PPIL4: variants seen among roughly 807,000 people sequenced by gnomAD.
PPIL4 encodes peptidylprolyl isomerase like 4, also known as peptidyl-prolyl cis-trans isomerase-like 4.
A neutral mutation model predicts 69.1 loss-of-function variants in PPIL4; 50 were observed. The observed-to-expected ratio is 0.72, with a 90% confidence interval of 0.58 to 0.92. PPIL4 has a LOEUF of 0.92. Ranked by LOEUF, PPIL4 falls within the 40% of genes least tolerant of loss-of-function variation. The probability of loss-of-function intolerance (pLI) is 0.00; values close to 1 mark genes in which losing one functional copy is unlikely to be tolerated. For missense variants in PPIL4, 480 were observed against 587.9 expected (o/e 0.82, Z 1.90); for synonymous variants, 193 against 191.6 (o/e 1.01, Z -0.06).
intron 4 of PPIL4, among the ~76,000 whole-genome samples, chr6:149,539,470 T>G (rs866715304): frequency 3.9e-5 from 6 of 152,132 alleles, no homozygotes; most frequent in Admixed American, 6.6e-5. Flanking sequence ...CTTGACCTCC[T>G]GGGCTCTAGT....
chr6:149,541,209 A>G (rs1441979857), intron 3 of PPIL4, 150 bp from the exon 4 acceptor site: 3 of 572,040 alleles, frequency 5.2e-6, no homozygotes, highest in Non-Finnish European at 8.4e-6. Flanking sequence ...CTTGGGGGAA[A>G]AAATCTAAAT....
chr6:149,530,985 CACA>C (rs1777186865), intron 7 of PPIL4, among the ~76,000 whole-genome samples: 1 of 152,188 alleles, frequency 6.6e-6, no homozygotes, highest in Non-Finnish European at 1.5e-5. Context: ...CCTCTGAGGA[CACA>C]ACATCACTCA....
intron 1 of PPIL4, among the ~76,000 whole-genome samples, chr6:149,544,962 ATACATTCTC>A (rs1457812887): frequency 2.6e-5 from 4 of 152,102 alleles, no homozygotes; most frequent in African/African-American, 9.7e-5. Context: ...CCTGACTCTG[ATACATTCTC>A]CACACCGCTG....
intron 8 of PPIL4, 97 bp downstream of exon 8, chr6:149,526,555 G>A (rs1014772782): frequency 1.8e-5 from 21 of 1,162,380 alleles, no homozygotes; most frequent in East Asian, 2.4e-5. Flanking sequence ...TACAAAATTC[G>A]CCTAGAATTC....
rs1418748798 is a variant in PPIL4, at chr6:149,535,593, T to C, written c.464+3A>G. 2.5e-6 allele frequency: 4 copies of C among 1,608,226 alleles called. No individual in the cohort carries two copies. The highest frequency in any genetic ancestry group is 1.8e-4 in the Middle Eastern group (1 of 5,516). On this transcript the variant is annotated splice_donor_region_variant and intron_variant, in intron 5 of 12. Coordinates refer to ENST00000253329, the MANE Select transcript of PPIL4 (RefSeq NM_139126.4). ...ACATTCAGATAGCAAATTGTAACCA[T>C]ACCTGATATCCTGATATGGTACAAA...
chr6:149,521,305 A>C (rs1777026584), intron 9 of PPIL4, 134 bp from the exon 10 acceptor site: 1 of 621,302 alleles, frequency 1.6e-6, no homozygotes, highest in Non-Finnish European at 2.8e-6. Context: ...GATGCTGTTA[A>C]ATGCTTTGTA....
intron 4 of PPIL4, among the ~76,000 whole-genome samples, chr6:149,536,542 G>C (rs903676126): frequency 2.6e-5 from 4 of 152,022 alleles, no homozygotes; most frequent in Non-Finnish European, 5.9e-5. Context: ...TATGAAGAAG[G>C]TTTTAGTAAT....
intron 10 of PPIL4, among the ~76,000 whole-genome samples, chr6:149,518,296 G>A (rs1285634990): frequency 6.6e-6 from 1 of 152,152 alleles, no homozygotes; most frequent in Non-Finnish European, 1.5e-5. Context: ...CCTATCAGAT[G>A]AGAATTCAAT....
chr6:149,517,262 A>T, intron 11 of PPIL4, 92 bp downstream of exon 11: 4 of 716,336 alleles, frequency 5.6e-6, no homozygotes, highest in Non-Finnish European at 9.6e-6. Context: ...TGTCTTCTAT[A>T]GCTTTTGTGA....
At chr6:149,519,961 T>G (rs1411370312) in intron 10 of PPIL4, among the ~76,000 whole-genome samples, 1 of 152,192 alleles carries the variant, frequency 6.6e-6, no homozygotes, top group Non-Finnish European at 1.5e-5. Flanking sequence ...ACCCAACTTT[T>G]AAGACTGACA....
chr6:149,505,706 T>C lies in PPIL4; in HGVS notation c.1228-2A>G, dbSNP rs1776760589. 1.2e-6 allele frequency: 2 copies of C among 1,605,354 alleles called. No homozygotes were observed. Among genetic ancestry groups the C allele is most frequent in the East Asian group, 4.5e-5 (2 of 44,792 alleles). On this transcript the variant is annotated splice_acceptor_variant, in intron 12 of 12. Transcript: ENST00000253329. LOFTEE classifies it high-confidence loss of function. ...AAACCCCATTTCTCTATAGATATCC[T>C]GTCAAAGGAAGGGGGAATTACAAGT...
Position 149,535,688 on chromosome 6 carries a change from C to G in PPIL4, c.372G>C (p.Thr124=). 1.9e-6 allele frequency: 3 copies of G among 1,610,252 alleles called. No homozygotes were observed. The highest frequency in any genetic ancestry group is 1.1e-5 in the South Asian group (1 of 90,842). The change falls in exon 5 of 13, where the codon ACG becomes ACC. Residue 124 remains threonine, a synonymous_variant. Transcript: ENST00000253329. Reference sequence around the variant, plus strand: ...TGCCTTCTGTCACCTCACCAAACACCGTATGGACACCATCAAGATAATCTA... The same window carrying G: ...TGCCTTCTGTCACCTCACCAAACACGGTATGGACACCATCAAGATAATCTA... The part of the protein sequence containing the change: ...ENLDYLDGVH[T]VFGEVTEGMD...
chr6:149,541,821 C>T (rs920254054), intron 1 of PPIL4, among the ~76,000 whole-genome samples: 1 of 151,964 alleles, frequency 6.6e-6, no homozygotes, highest in African/African-American at 2.4e-5. Flanking sequence ...ACCAGCCTGG[C>T]CAATATGGTG....
intron 4 of PPIL4, among the ~76,000 whole-genome samples, chr6:149,540,466 T>G (rs1777342313): frequency 6.6e-6 from 1 of 151,962 alleles, no homozygotes; most frequent in Non-Finnish European, 1.5e-5. Flanking sequence ...AATATAAAAA[T>G]TAGCCAGGTG....
intron 11 of PPIL4, among the ~76,000 whole-genome samples, chr6:149,516,481 A>G (rs578121035): frequency 1.3e-5 from 2 of 152,330 alleles, no homozygotes; most frequent in Admixed American, 6.5e-5. Flanking sequence ...ATATGTAGAA[A>G]AAAAAATCCC....
chr6:149,532,372 C>T (rs1777212518), intron 7 of PPIL4, among the ~76,000 whole-genome samples: 1 of 152,176 alleles, frequency 6.6e-6, no homozygotes. Flanking sequence ...TGATAACAAT[C>T]TAAATTCATT....
Position 149,541,394 on chromosome 6 carries a change from G to T in PPIL4, c.176C>A (p.Thr59Asn). The T allele has an allele frequency of 6.5e-7, 1 of 1,532,928 alleles. No homozygotes were observed. The highest frequency in any genetic ancestry group is 8.9e-7 in the Non-Finnish European group (1 of 1,128,770). 95.0% of individuals were successfully genotyped at this position (1,532,928 alleles called of 1,614,324 possible). A position where few individuals can be genotyped will look rare whatever the true frequency, so the allele number is the denominator to read the frequency against. The change falls in exon 3 of 13, where the codon ACT becomes AAT. Residue 59 changes from threonine (T) to asparagine (N), a missense_variant. Thr to Asn is a moderately conservative substitution (Grantham distance 65). Transcript: ENST00000253329. The part of the protein sequence containing the change: ...FIIQTGDPTG[T>N]GRGGESIFGQ... ...AAAGATAGACTCTCCTCCACGGCCAGTCCCTGTAGGATCGCCAGTTTGTAT... is the reference window on the plus strand; with the variant it reads ...AAAGATAGACTCTCCTCCACGGCCATTCCCTGTAGGATCGCCAGTTTGTAT...
chr6:149,537,288 A>C (rs746307871), intron 4 of PPIL4, among the ~76,000 whole-genome samples: 2 of 152,232 alleles, frequency 1.3e-5, no homozygotes, highest in Non-Finnish European at 2.9e-5. Flanking sequence ...AGAGAGGAAA[A>C]GTCAATGCCT....
At chr6:149,531,515 A>G (rs1423904585) in intron 7 of PPIL4, among the ~76,000 whole-genome samples, 2 of 143,380 alleles carry the variant, frequency 1.4e-5, no homozygotes, top group African/African-American at 5.3e-5. Flanking sequence ...CAACCTGGGC[A>G]ACAGAAACTC....
Sources: allele counts gnomAD v4.1 joint callset (sites outside exome capture counted in the v4.1 genomes callset), GRCh38; gene constraint gnomAD v4.1.1; transcripts MANE v1.5; gene names NCBI Gene and HGNC (gene_info 2026-07-23, HGNC 2026-07-21).